Variants in PCNX2 observed in about 807,000 individuals in gnomAD.
PCNX2 encodes the protein pecanex 2, also known as pecanex-like protein 2.
PCNX2 carries 168 observed loss-of-function variants against 223.8 expected under a neutral mutation model. The observed-to-expected ratio is 0.75, with a 90% CI of 0.66 to 0.85. The LOEUF is 0.85. PCNX2 is among the 40% of genes least tolerant of loss of function. The pLI, the probability that PCNX2 is intolerant of heterozygous loss-of-function variation, is 0.00. For synonymous variants in PCNX2, 1,006 were observed against 1,052.6 expected (o/e 0.96, Z 0.86); for missense variants, 2,507 against 2,675.5 (o/e 0.94, Z 1.39).
At chr1:233,112,910 A>G in intron 21 of PCNX2, 1 of 1,289,354 alleles carries the variant, frequency 7.8e-7, no homozygotes, top group Non-Finnish European at 1.0e-6. Context: ...GATGAACTGC[A>G]GTAACTTGCA....
chr1:233,226,364 G>A (rs1254483869), intron 10 of PCNX2, among the ~76,000 whole-genome samples: 2 of 152,102 alleles, frequency 1.3e-5, no homozygotes, highest in African/African-American at 4.8e-5. Flanking sequence ...CCGCCTCCTG[G>A]GTTCAAGCAA....
At chr1:233,240,504 C>T (rs1235254122) in intron 8 of PCNX2, among the ~76,000 whole-genome samples, 1 of 152,090 alleles carries the variant, frequency 6.6e-6, no homozygotes, top group African/African-American at 2.4e-5. Context: ...TGGAAATATC[C>T]CAAGCCTGTA....
At chr1:233,230,614 T>G (rs1184897113) in intron 9 of PCNX2, among the ~76,000 whole-genome samples, 1 of 152,204 alleles carries the variant, frequency 6.6e-6, no homozygotes, top group Non-Finnish European at 1.5e-5. Context: ...AAGTTGGGCC[T>G]GCAAGTTTAA....
rs1480531603 is a variant in PCNX2 at position 233,286,235 on chromosome 1, TG to T, written c.153+9090del. Among the ~76,000 whole-genome samples, 3 of 151,868 alleles carry T rather than the reference TG, an allele frequency of 2.0e-5. No homozygotes were observed. In the East Asian group the frequency reaches 5.8e-4, roughly 29 times the overall value. ...CTCAGTCAGAAGAGAAGCGCTTCAG[TG>T]GGACCACTTAGAAACTTATAAGTCC... On this transcript the variant is annotated intron_variant, in intron 1 of 33. Transcript: ENST00000258229.
At chr1:233,322,136 C>G in the PCNX2 span, among the ~76,000 whole-genome samples, 4 of 152,192 alleles carry the variant, frequency 2.6e-5, no homozygotes, top group African/African-American at 9.6e-5. Flanking sequence ...GCCATTCCTT[C>G]TTTCCTGGAC....
chr1:233,161,011 T>C (rs1408585949), intron 18 of PCNX2, among the ~76,000 whole-genome samples: 1 of 152,166 alleles, frequency 6.6e-6, no homozygotes, highest in Non-Finnish European at 1.5e-5. Context: ...AGATGTGCCA[T>C]CATTCTTGCA....
chr1:233,177,213 A>G (rs9659828), intron 17 of PCNX2, among the ~76,000 whole-genome samples: 9,998 of 152,274 alleles, frequency 0.066, 562 homozygotes, highest in East Asian at 0.31. Context: ...AGCTCCCACA[A>G]TTTAGCCTAA....
chr1:233,141,179 T>G (rs1464543057), intron 19 of PCNX2, among the ~76,000 whole-genome samples: 4 of 152,198 alleles, frequency 2.6e-5, no homozygotes, highest in African/African-American at 4.8e-5. Flanking sequence ...AGGTCTCTTA[T>G]CCAAGATTAG....
chr1:233,128,879 A>T (rs1485544418), intron 21 of PCNX2, among the ~76,000 whole-genome samples: 2 of 152,232 alleles, frequency 1.3e-5, no homozygotes, highest in Non-Finnish European at 2.9e-5. Context: ...GCGAGGAAGA[A>T]GGATGTGTGG....
At chr1:233,159,031 C>A (rs7550169) in intron 19 of PCNX2, among the ~76,000 whole-genome samples, 101,911 of 152,034 alleles carry the variant, frequency 0.67, 34,278 homozygotes, top group East Asian at 0.74. Flanking sequence ...ATTTGCATTT[C>A]AGTAGTACAC....
chr1:233,119,766 A>C (rs1343173376), intron 21 of PCNX2, among the ~76,000 whole-genome samples: 2 of 152,172 alleles, frequency 1.3e-5, no homozygotes, highest in South Asian at 4.1e-4. Flanking sequence ...CTTCACTAAA[A>C]TTAAAACTTT....
chr1:233,020,174 G>A lies in PCNX2; in HGVS notation c.4606-3020C>T, dbSNP rs370846386. Among the ~76,000 whole-genome samples the A allele has an allele frequency of 2.7e-4, 41 of 152,304 alleles. No individual in the cohort carries two copies. The East Asian group carries it at 3.3e-3, about 12-fold the overall frequency. On this transcript the variant is annotated intron_variant, in intron 26 of 33. Coordinates refer to ENST00000258229, the MANE Select transcript of PCNX2 (RefSeq NM_014801.4). The stretch of plus-strand genomic sequence containing the variant: ...CAGAGGTTAACACTTCCTCCTCTCC[G>A]TCTGGCAAAACGCTGCAGTGCTGAC...
rs1673452988 is a variant in PCNX2 at position 233,083,410 on chromosome 1, C to T, written c.4076+6651G>A. Among the ~76,000 whole-genome samples the T allele has an allele frequency of 2.0e-5, 3 of 152,144 alleles. 1 individual carries two copies. The South Asian group carries it at 6.2e-4, about 32-fold the overall frequency. ...CAGGTGATATCACAAGGAGCCGATT[C>T]AACTCAATGAAGAGCTCACAGCTGT... On this transcript the variant is annotated intron_variant, in intron 23 of 33. Coordinates refer to ENST00000258229, the MANE Select transcript of PCNX2 (RefSeq NM_014801.4).
chr1:233,231,917 C>T (rs1023966741), intron 9 of PCNX2, among the ~76,000 whole-genome samples: 1 of 152,106 alleles, frequency 6.6e-6, no homozygotes, highest in African/African-American at 2.4e-5. Context: ...CTGCAGTTTC[C>T]TTAGATATTC....
intron 1 of PCNX2, among the ~76,000 whole-genome samples, chr1:233,279,625 C>T (rs1572196325): frequency 6.6e-6 from 1 of 151,824 alleles, no homozygotes; most frequent in Non-Finnish European, 1.5e-5. Flanking sequence ...CTATGTGAGT[C>T]CTTTGATTTT....
At chr1:233,138,305 T>A (rs1676923608) in intron 20 of PCNX2, among the ~76,000 whole-genome samples, 2 of 152,234 alleles carry the variant, frequency 1.3e-5, no homozygotes, top group Non-Finnish European at 2.9e-5. Context: ...TTTATTTGAC[T>A]CTGCTAGAGT....
intron 13 of PCNX2, among the ~76,000 whole-genome samples, chr1:233,205,495 AC>A (rs1681389759): frequency 6.6e-6 from 1 of 152,202 alleles, no homozygotes; most frequent in African/African-American, 2.4e-5. Context: ...GGAGTTCGAA[AC>A]TAGCCTGGCC....
At chr1:232,993,285 T>C (rs201008670) in intron 32 of PCNX2, among the ~76,000 whole-genome samples, 11 of 152,312 alleles carry the variant, frequency 7.2e-5, no homozygotes, top group Middle Eastern at 3.4e-3. Flanking sequence ...TTTTGGGAAC[T>C]AGAACAAAGA....
chr1:233,023,518 C>T (rs1440427088), intron 26 of PCNX2, among the ~76,000 whole-genome samples: 1 of 152,202 alleles, frequency 6.6e-6, no homozygotes, highest in African/African-American at 2.4e-5. Context: ...TTGGAAGCTA[C>T]CATACCAACC....
Sources: allele counts gnomAD v4.1 joint callset (sites outside exome capture counted in the v4.1 genomes callset), GRCh38; gene constraint gnomAD v4.1.1; transcripts MANE v1.5; gene names NCBI Gene and HGNC (gene_info 2026-07-23, HGNC 2026-07-21).